The following CDH4 variants were observed in gnomAD, a reference collection of about 807,000 sequenced individuals.
The protein encoded by CDH4 is cadherin-4.
Under a neutral mutation model 86.0 loss-of-function variants are expected in CDH4, and 33 were observed. The ratio of observed to expected loss-of-function variants is 0.38; its 90% CI spans 0.29 to 0.51. CDH4 has a LOEUF of 0.51. Among genes scored for constraint, CDH4 ranks in the 20% least tolerant of loss-of-function variants. The probability of loss-of-function intolerance (pLI) is 0.86; values close to 1 mark genes in which losing one functional copy is unlikely to be tolerated. For synonymous variants in CDH4, 555 were observed against 549.4 expected (o/e 1.01, Z -0.14); for missense variants, 1,114 against 1,307.4 (o/e 0.85, Z 2.28).
chr20:61,645,724 C>T (rs1043989284), intron 2 of CDH4, among the ~76,000 whole-genome samples: 1 of 152,186 alleles, frequency 6.6e-6, no homozygotes, highest in African/African-American at 2.4e-5. Flanking sequence ...ATTTCACCCC[C>T]CTTCAACCAC....
chr20:61,274,388 TGG>T (rs1205926160), intron 2 of CDH4, among the ~76,000 whole-genome samples: 1 of 61,248 alleles, frequency 1.6e-5, no homozygotes, highest in Non-Finnish European at 2.9e-5. Context: ...GTGTGCAGTT[TGG>T]GGGGAGTACT....
At chr20:61,891,877 C>G (rs1029341552) in intron 7 of CDH4, among the ~76,000 whole-genome samples, 39 of 152,228 alleles carry the variant, frequency 2.6e-4, no homozygotes, top group Admixed American at 6.5e-4. Flanking sequence ...CCCAGCCCTC[C>G]CTCCCTGAGA....
At chr20:61,546,588 G>T (rs80202455) in intron 2 of CDH4, among the ~76,000 whole-genome samples, 2,286 of 151,604 alleles carry the variant, frequency 0.015, 57 homozygotes, top group African/African-American at 0.052. Context: ...GGGCAGGGAG[G>T]GGGGTGTGTG....
At chr20:61,547,369 C>T (rs1007217246) in intron 2 of CDH4, among the ~76,000 whole-genome samples, 1 of 151,808 alleles carries the variant, frequency 6.6e-6, no homozygotes, top group African/African-American at 2.4e-5. Flanking sequence ...CCTGCCACTG[C>T]GCCCGGCTAA....
intron 2 of CDH4, among the ~76,000 whole-genome samples, chr20:61,357,098 G>T (rs1396106689): frequency 5.9e-5 from 9 of 152,150 alleles, no homozygotes; most frequent in African/African-American, 2.2e-4. Context: ...CCCAACCTCC[G>T]CCCAGGCTAG....
At position 61,565,118 on chromosome 20, in the gene CDH4, G is replaced by GTGGTC. The variant is rs2086260114; in HGVS notation, c.170-178445_170-178444insTGGTC. Among the ~76,000 whole-genome samples, 9 of 140,914 alleles carry GTGGTC rather than the reference G, an allele frequency of 6.4e-5. No individual in the cohort carries two copies. In the South Asian group the frequency reaches 2.2e-3, roughly 34 times the overall value. 92.4% of individuals were successfully genotyped at this position (140,914 alleles called of 152,430 possible). ...TGGTGGTGCTCTTGGTGGTGCTGGT[G>GTGGTC]CTCTTGGTGGTGCTGGTCCTCTTGG... On this transcript the variant is annotated intron_variant, in intron 2 of 15. Coordinates refer to ENST00000614565, the MANE Select transcript of CDH4 (RefSeq NM_001794.5).
intron 3 of CDH4, 138 bp from the exon 4 acceptor site, chr20:61,772,865 C>T (rs2088790726): frequency 5.0e-6 from 3 of 603,732 alleles, no homozygotes; most frequent in African/African-American, 1.9e-5. Flanking sequence ...CCGCCCTTCC[C>T]GCTTAGCTCC....
At chr20:61,752,492 T>G (rs960321210) in intron 3 of CDH4, among the ~76,000 whole-genome samples, 1 of 152,198 alleles carries the variant, frequency 6.6e-6, no homozygotes, top group African/African-American at 2.4e-5. Flanking sequence ...GAATTACTAT[T>G]AAAGTCAAAT....
intron 8 of CDH4, among the ~76,000 whole-genome samples, chr20:61,904,522 C>G (rs767545549): frequency 3.3e-5 from 5 of 152,066 alleles, no homozygotes; most frequent in Non-Finnish European, 7.4e-5. Context: ...CCTGGTCTCT[C>G]GGCATCTCGG....
At chr20:61,532,717 G>A (rs1458510066) in intron 2 of CDH4, among the ~76,000 whole-genome samples, 3 of 152,196 alleles carry the variant, frequency 2.0e-5, no homozygotes, top group Admixed American at 2.0e-4. Context: ...AGGCTCTGGG[G>A]AGACGGGTTC....
At chr20:61,620,777 G>A (rs1250510282) in intron 2 of CDH4, among the ~76,000 whole-genome samples, 2 of 152,206 alleles carry the variant, frequency 1.3e-5, no homozygotes, top group African/African-American at 4.8e-5. Flanking sequence ...TGCAGAGGCT[G>A]GTCTCATATG....
At chr20:61,774,819 T>C (rs561288705) in intron 4 of CDH4, among the ~76,000 whole-genome samples, 11 of 152,326 alleles carry the variant, frequency 7.2e-5, no homozygotes, top group Admixed American at 2.0e-4. Flanking sequence ...GATGATGGCT[T>C]CCACCTCCAT....
intron 2 of CDH4, among the ~76,000 whole-genome samples, chr20:61,644,041 A>G (rs2087037031): frequency 6.6e-6 from 1 of 152,228 alleles, no homozygotes. Context: ...GGGGATGGAA[A>G]ATTACAGACA....
chr20:61,309,091 C>T (rs13036619), intron 2 of CDH4, among the ~76,000 whole-genome samples: 6,758 of 152,356 alleles, frequency 0.044, 200 homozygotes, highest in African/African-American at 0.069. Context: ...AATATGGCAA[C>T]GGCAGAGCAT....
chr20:61,667,243 G>A (rs781167442), intron 2 of CDH4, among the ~76,000 whole-genome samples: 1 of 152,234 alleles, frequency 6.6e-6, no homozygotes, highest in Non-Finnish European at 1.5e-5. Context: ...GGGCAACCAG[G>A]TATGTGGAGA....
intron 2 of CDH4, among the ~76,000 whole-genome samples, chr20:61,344,829 T>C (rs371477909): frequency 5.6e-4 from 85 of 152,330 alleles, no homozygotes; most frequent in African/African-American, 1.9e-3. Context: ...AAGATTAAAA[T>C]TGATCATATG....
intron 2 of CDH4, among the ~76,000 whole-genome samples, chr20:61,667,661 C>CAA (rs397803380): frequency 6.6e-6 from 1 of 151,776 alleles, no homozygotes; most frequent in African/African-American, 2.4e-5. Context: ...CACACACACA[C>CAA]CTGCACACGT....
intron 2 of CDH4, among the ~76,000 whole-genome samples, chr20:61,726,634 A>G (rs2088114936): frequency 6.6e-6 from 1 of 151,708 alleles, no homozygotes; most frequent in Non-Finnish European, 1.5e-5. Flanking sequence ...CATCATCACC[A>G]TCAGTCCCAT....
chr20:61,901,156 T>C (rs1434370813), intron 8 of CDH4, among the ~76,000 whole-genome samples: 1 of 150,950 alleles, frequency 6.6e-6, no homozygotes, highest in Non-Finnish European at 1.5e-5. Flanking sequence ...GGTTAATTTT[T>C]AGCTAAATGA....
Sources: allele counts gnomAD v4.1 joint callset (sites outside exome capture counted in the v4.1 genomes callset), GRCh38; gene constraint gnomAD v4.1.1; transcripts MANE v1.5; gene names NCBI Gene and HGNC (gene_info 2026-07-23, HGNC 2026-07-21).